Variants in SFMBT2 observed in about 807,000 individuals in gnomAD.
The protein encoded by SFMBT2 is scm-like with four MBT domains protein 2.
Under a neutral mutation model 110.1 loss-of-function variants are expected in SFMBT2, and 38 were observed. The observed-to-expected ratio is 0.35, with a 90% confidence interval of 0.27 to 0.45. SFMBT2 has a LOEUF of 0.45. Among genes scored for constraint, SFMBT2 ranks in the 20% least tolerant of loss-of-function variants. SFMBT2 has a pLI of 1.00. For missense variants in SFMBT2, 1,011 were observed against 1,094.9 expected (o/e 0.92, Z 1.08); for synonymous variants, 425 against 425.4 (o/e 1.00, Z 0.01).
intron 7 of SFMBT2, among the ~76,000 whole-genome samples, chr10:7,252,660 C>A (rs1341484563): frequency 6.6e-6 from 1 of 152,116 alleles, no homozygotes; most frequent in South Asian, 2.1e-4. Context: ...GCTCAGTGAG[C>A]ATTATTCCAA....
chr10:7,381,789 A>G lies in SFMBT2; in HGVS notation c.100+10T>C, dbSNP rs374084182. 6.2e-7 allele frequency: 1 copy of G among 1,609,490 alleles called. No individual in the cohort carries two copies. The highest frequency in any genetic ancestry group is 1.3e-5 in the African/African-American group (1 of 74,730). ...AAAAATCCAGATGAATCTCGAAAAC[A>G]AAATCCTACCAGAATCAAGGTCTCC... On this transcript the variant is annotated intron_variant, in intron 2 of 20. Transcript: ENST00000397167.
intron 14 of SFMBT2, among the ~76,000 whole-genome samples, chr10:7,198,372 T>C (rs998955556): frequency 1.2e-4 from 19 of 152,244 alleles, no homozygotes; most frequent in African/African-American, 3.9e-4. Context: ...AATATGATTG[T>C]GAAAATCTTC....
chr10:7,402,247 T>C (rs917306516), intron 1 of SFMBT2, among the ~76,000 whole-genome samples: 2 of 152,008 alleles, frequency 1.3e-5, no homozygotes, highest in African/African-American at 2.4e-5. Context: ...ATCAGAGAGA[T>C]TTTTCTCTAA....
At chr10:7,360,778 T>C (rs937358922) in intron 4 of SFMBT2, among the ~76,000 whole-genome samples, 1 of 152,196 alleles carries the variant, frequency 6.6e-6, no homozygotes, top group Non-Finnish European at 1.5e-5. Flanking sequence ...ATGATGAATG[T>C]GTACACAGAC....
intron 17 of SFMBT2, among the ~76,000 whole-genome samples, chr10:7,175,678 C>T (rs1239027272): frequency 6.6e-6 from 1 of 152,174 alleles, no homozygotes; most frequent in South Asian, 2.1e-4. Flanking sequence ...TGCTCTCCTG[C>T]CATCCATTGA....
intron 7 of SFMBT2, among the ~76,000 whole-genome samples, chr10:7,276,221 G>A (rs1419098193): frequency 2.0e-5 from 3 of 152,112 alleles, no homozygotes; most frequent in African/African-American, 4.8e-5. Context: ...GCAGAACCTC[G>A]GGACATCAAG....
At chr10:7,315,799 G>C (rs1322479957) in intron 4 of SFMBT2, among the ~76,000 whole-genome samples, 1 of 152,184 alleles carries the variant, frequency 6.6e-6, no homozygotes, top group Non-Finnish European at 1.5e-5. Context: ...TTTCCTCTCT[G>C]ATCCTCGGTT....
chr10:7,411,270 C>T (rs1159888338), upstream of SFMBT2: 3 of 152,376 alleles, frequency 2.0e-5, 1 homozygote, highest in African/African-American at 7.2e-5. Flanking sequence ...CCCCAGGACC[C>T]TGGGACCTTC....
In SFMBT2 at chr10:7,181,277, A is replaced by G. The variant is rs1838240626; in HGVS notation, c.1809-5112T>C. Among the ~76,000 whole-genome samples the G allele has an allele frequency of 2.6e-5, 4 of 151,864 alleles. No individual in the cohort carries two copies. The South Asian group carries it at 8.3e-4, about 31-fold the overall frequency. ...AAAAAGTACAGGTACATCCCTAATCAGAAAATCTGAAATTCAAAATACTCC... is the reference window on the plus strand; with the variant it reads ...AAAAAGTACAGGTACATCCCTAATCGGAAAATCTGAAATTCAAAATACTCC... On this transcript the variant is annotated intron_variant, in intron 16 of 20. Coordinates refer to ENST00000397167, the MANE Select transcript of SFMBT2 (RefSeq NM_001387889.1).
chr10:7,321,670 A>G (rs917866193), intron 4 of SFMBT2, among the ~76,000 whole-genome samples: 4 of 152,208 alleles, frequency 2.6e-5, no homozygotes, highest in Admixed American at 2.6e-4. Flanking sequence ...ATTTCTTAGT[A>G]TAGTCAAAAT....
intron 7 of SFMBT2, among the ~76,000 whole-genome samples, chr10:7,253,114 C>T (rs954885092): frequency 3.9e-5 from 6 of 152,202 alleles, no homozygotes; most frequent in African/African-American, 1.4e-4. Context: ...GGCACCCCAA[C>T]TCCACAGGGC....
intron 4 of SFMBT2, among the ~76,000 whole-genome samples, chr10:7,314,307 TA>T (rs1331417975): frequency 6.6e-6 from 1 of 152,214 alleles, no homozygotes; most frequent in East Asian, 1.9e-4. Flanking sequence ...GCAAAATGAC[TA>T]AATCTGCTAA....
chr10:7,360,944 C>G (rs913624566), intron 4 of SFMBT2, among the ~76,000 whole-genome samples: 1 of 152,212 alleles, frequency 6.6e-6, no homozygotes, highest in African/African-American at 2.4e-5. Context: ...AATACTAACT[C>G]ACTTTTTAAA....
chr10:7,372,467 T>C (rs1428542708), intron 2 of SFMBT2, among the ~76,000 whole-genome samples: 1 of 152,234 alleles, frequency 6.6e-6, no homozygotes, highest in East Asian at 1.9e-4. Flanking sequence ...AAACCTTTCC[T>C]TGGTGGTGCT....
chr10:7,285,698 C>T (rs1249323340), intron 5 of SFMBT2, 168 bp downstream of exon 5: 1 of 613,114 alleles, frequency 1.6e-6, no homozygotes, highest in African/African-American at 1.8e-5. Flanking sequence ...CCATTCAAAT[C>T]AGTCACCTAA....
At chr10:7,321,522 A>G (rs1030577967) in intron 4 of SFMBT2, among the ~76,000 whole-genome samples, 1 of 152,154 alleles carries the variant, frequency 6.6e-6, no homozygotes, top group South Asian at 2.1e-4. Context: ...CTTAACAGTG[A>G]TTCAGGGTAA....
chr10:7,174,858 G>T (rs1173841162), intron 17 of SFMBT2, among the ~76,000 whole-genome samples: 1 of 152,222 alleles, frequency 6.6e-6, no homozygotes, highest in Non-Finnish European at 1.5e-5. Flanking sequence ...TACCTGAGAG[G>T]CCCTGTGCAC....
intron 1 of SFMBT2, among the ~76,000 whole-genome samples, chr10:7,388,464 T>G (rs1554813799): frequency 1.3e-5 from 2 of 150,428 alleles, no homozygotes; most frequent in Non-Finnish European, 3.0e-5. Flanking sequence ...TTCAAGCAAT[T>G]CTCCTGCCTC....
At chr10:7,192,482 CT>C (rs1838630258) in intron 15 of SFMBT2, among the ~76,000 whole-genome samples, 1 of 152,196 alleles carries the variant, frequency 6.6e-6, no homozygotes, top group Admixed American at 6.6e-5. Flanking sequence ...GACCAGAAAG[CT>C]TTCTAGTTTT....
Sources: gnomAD v4.1 joint callset for allele counts (sites outside exome capture counted in the v4.1 genomes callset) on GRCh38, gnomAD v4.1.1 for gene constraint, MANE v1.5 for transcripts, NCBI Gene and HGNC (gene_info 2026-07-23, HGNC 2026-07-21) for gene names.